The following EPHA3 variants were observed in gnomAD, a reference collection of about 807,000 sequenced individuals.
EPHA3 encodes the protein EPH receptor A3.
In EPHA3, 42 loss-of-function variants were observed where a neutral mutation model predicts 107.1. The observed-to-expected ratio is 0.39, with a 90% confidence interval of 0.31 to 0.51. The LOEUF (loss-of-function observed/expected upper bound fraction) is 0.51. Ranked by LOEUF, EPHA3 falls within the 20% of genes least tolerant of loss-of-function variation. The pLI is 0.78. For synonymous variants in EPHA3, 461 were observed against 424.8 expected (o/e 1.09, Z -1.05); for missense variants, 1,183 against 1,211.2 (o/e 0.98, Z 0.35).
intron 5 of EPHA3, among the ~76,000 whole-genome samples, chr3:89,377,836 T>C (rs1413735206): frequency 6.6e-6 from 1 of 152,084 alleles, no homozygotes; most frequent in Non-Finnish European, 1.5e-5. Flanking sequence ...TTCATACAGA[T>C]CTTTTTTTCA....
At chr3:89,218,699 A>T (rs1203847618) in intron 3 of EPHA3, among the ~76,000 whole-genome samples, 1 of 152,106 alleles carries the variant, frequency 6.6e-6, no homozygotes, top group Non-Finnish European at 1.5e-5. Flanking sequence ...CTAGAAGAAG[A>T]CATTTATGCA....
intron 3 of EPHA3, among the ~76,000 whole-genome samples, chr3:89,291,634 A>G (rs1410644738): frequency 4.6e-5 from 7 of 152,182 alleles, no homozygotes; most frequent in Non-Finnish European, 1.0e-4. Flanking sequence ...CTTATGGTCA[A>G]TTGTAGGCAC....
chr3:89,145,289 A>ACG (rs1414702119), intron 2 of EPHA3, among the ~76,000 whole-genome samples: 2 of 151,522 alleles, frequency 1.3e-5, no homozygotes, highest in Non-Finnish European at 3.0e-5. Context: ...AGACACACAC[A>ACG]CACACACATA....
At position 89,339,335 on chromosome 3, in the gene EPHA3, C is replaced by T. The variant is rs548217216; in HGVS notation, c.815-1581C>T. On this transcript the variant is annotated intron_variant, in intron 3 of 16. Coordinates refer to ENST00000336596, the MANE Select transcript of EPHA3 (RefSeq NM_005233.6). ...GCAGTGAGCCGAGATTGTGCCACTGCACTCAAGCCTAGGTGACAGAGTGAG... is the reference window on the plus strand; with the variant it reads ...GCAGTGAGCCGAGATTGTGCCACTGTACTCAAGCCTAGGTGACAGAGTGAG... 2.4e-3 allele frequency among the ~76,000 whole-genome samples: 324 copies of T among 132,538 alleles called. 1 individual carries two copies. The highest frequency in any genetic ancestry group is 8.6e-3 in the African/African-American group (306 of 35,408). The allele number at this position is 132,538 out of a possible 152,430, so 87.0% of individuals were successfully genotyped here. A position where few individuals can be genotyped will look rare whatever the true frequency, so the allele number is the denominator to read the frequency against.
chr3:89,124,509 A>G (rs1341115856), intron 1 of EPHA3, among the ~76,000 whole-genome samples: 1 of 152,162 alleles, frequency 6.6e-6, no homozygotes, highest in Non-Finnish European at 1.5e-5. Context: ...TATAAATCCA[A>G]AGTATGTGCT....
chr3:89,216,752 A>G (rs1704231910), intron 3 of EPHA3, among the ~76,000 whole-genome samples: 1 of 152,120 alleles, frequency 6.6e-6, no homozygotes, highest in Admixed American at 6.5e-5. Flanking sequence ...TTCAGATACT[A>G]TAAAAGCTTC....
chr3:89,244,542 T>A (rs1704987145), intron 3 of EPHA3, among the ~76,000 whole-genome samples: 1 of 152,174 alleles, frequency 6.6e-6, no homozygotes, highest in South Asian at 2.1e-4. Flanking sequence ...TCTGTATTTC[T>A]GTAATTCATA....
intron 5 of EPHA3, among the ~76,000 whole-genome samples, chr3:89,378,363 C>T (rs929724314): frequency 9.2e-5 from 14 of 151,958 alleles, no homozygotes; most frequent in African/African-American, 3.4e-4. Context: ...TGACTCATGC[C>T]GGCATCCCCA....
rs1490401535 is a variant in EPHA3, at chr3:89,351,350, G to A, written c.1306+9260G>A. ...TGTTTTTTAAGCCGGTCTGAAAAGCGCAATATTCGGGTGGGAGTGACCCGA... is the reference window on the plus strand; with the variant it reads ...TGTTTTTTAAGCCGGTCTGAAAAGCACAATATTCGGGTGGGAGTGACCCGA... On this transcript the variant is annotated intron_variant, in intron 5 of 16. Transcript: ENST00000336596. 4.6e-5 allele frequency among the ~76,000 whole-genome samples: 7 copies of A among 151,240 alleles called. No homozygotes were observed. In the East Asian group the frequency reaches 1.4e-3, roughly 29 times the overall value.
At chr3:89,262,924 A>G (rs1296807427) in intron 3 of EPHA3, among the ~76,000 whole-genome samples, 1 of 147,258 alleles carries the variant, frequency 6.8e-6, no homozygotes, top group Non-Finnish European at 1.5e-5. Flanking sequence ...AGCAGGATGC[A>G]TGCAACTTCC....
intron 2 of EPHA3, among the ~76,000 whole-genome samples, chr3:89,190,562 G>A (rs1705691018): frequency 6.6e-6 from 1 of 151,768 alleles, no homozygotes; most frequent in Admixed American, 6.6e-5. Flanking sequence ...TCACAGGCTG[G>A]AAGTGTGAAA....
intron 5 of EPHA3, among the ~76,000 whole-genome samples, chr3:89,380,206 G>A (rs535608216): frequency 2.0e-5 from 3 of 152,238 alleles, no homozygotes; most frequent in South Asian, 4.1e-4. Context: ...TAACAATGTA[G>A]AGTTAAGCAA....
In EPHA3 at chr3:89,167,874, G is replaced by A. The variant is rs184303650; in HGVS notation, c.153+40601G>A. Among the ~76,000 whole-genome samples the A allele has an allele frequency of 1.6e-3, 241 of 152,140 alleles. 2 individuals are homozygous for A. Among genetic ancestry groups the A allele is most frequent in the African/African-American group, 5.6e-3 (233 of 41,538 alleles). Reference sequence around the variant, plus strand: ...TCTACATATTTGAGAATTGCAAAAGGTGGGAACAACACTTTCTTCACTGAT... The same window carrying A: ...TCTACATATTTGAGAATTGCAAAAGATGGGAACAACACTTTCTTCACTGAT... On this transcript the variant is annotated intron_variant, in intron 2 of 16. Transcript: ENST00000336596.
At chr3:89,459,349 G>T (rs1012073799) in intron 15 of EPHA3, among the ~76,000 whole-genome samples, 12 of 152,062 alleles carry the variant, frequency 7.9e-5, no homozygotes, top group Non-Finnish European at 1.6e-4. Context: ...GAAAACAAAA[G>T]AAGCTCTCCT....
At chr3:89,202,219 G>C (rs1213420378) in intron 2 of EPHA3, among the ~76,000 whole-genome samples, 1 of 151,984 alleles carries the variant, frequency 6.6e-6, no homozygotes, top group Non-Finnish European at 1.5e-5. Context: ...TTGTGGCCAA[G>C]CGTGGTGTCT....
intron 5 of EPHA3, among the ~76,000 whole-genome samples, chr3:89,372,550 T>C (rs1559669734): frequency 1.3e-5 from 2 of 151,734 alleles, no homozygotes; most frequent in African/African-American, 2.4e-5. Context: ...TGGCACTGTC[T>C]GGATGTTGGT....
chr3:89,213,768 A>C (rs1369366199), intron 3 of EPHA3, among the ~76,000 whole-genome samples: 2 of 151,922 alleles, frequency 1.3e-5, no homozygotes, highest in South Asian at 4.1e-4. Flanking sequence ...TGTCCCTTAA[A>C]TTTACTGATC....
intron 5 of EPHA3, among the ~76,000 whole-genome samples, chr3:89,344,875 A>AAATGTCCAACAAT (rs1707607554): frequency 2.6e-5 from 4 of 151,690 alleles, no homozygotes; most frequent in Non-Finnish European, 1.5e-5. Context: ...TTCGGATATT[A>AAATGTCCAACAAT]GTTCTCAGCT....
chr3:89,178,804 A>G (rs1705374638), intron 2 of EPHA3, among the ~76,000 whole-genome samples: 1 of 151,912 alleles, frequency 6.6e-6, no homozygotes, highest in Non-Finnish European at 1.5e-5. Context: ...TTTTATGGGT[A>G]AAAGAAAAGT....
Sources: allele counts gnomAD v4.1 joint callset (sites outside exome capture counted in the v4.1 genomes callset), GRCh38; gene constraint gnomAD v4.1.1; transcripts MANE v1.5; gene names NCBI Gene and HGNC (gene_info 2026-07-23, HGNC 2026-07-21).